Variants in CDC73 observed in about 807,000 individuals in gnomAD.
CDC73 encodes cell division cycle 73, also known as parafibromin.
In CDC73, 21 loss-of-function variants were observed where a neutral mutation model predicts 83.7. That is an observed-to-expected ratio of 0.25 (90% CI 0.18 to 0.36). The LOEUF (loss-of-function observed/expected upper bound fraction) is 0.36. Among genes scored for constraint, CDC73 ranks in the 10% least tolerant of loss-of-function variants. The pLI, the probability that CDC73 is intolerant of heterozygous loss-of-function variation, is 1.00. For synonymous variants in CDC73, 224 were observed against 212.9 expected, an observed-to-expected ratio of 1.05 and a Z score of -0.45; for missense variants, 342 against 653.3, an observed-to-expected ratio of 0.52 and a Z score of 5.19.
intron 10 of CDC73, 84 bp from the exon 11 acceptor site, chr1:193,203,711 G>A: frequency 9.4e-7 from 1 of 1,066,056 alleles, no homozygotes; most frequent in Non-Finnish European, 1.4e-6. Flanking sequence ...GAGACAGAGA[G>A]ATATGAGATT....
chr1:193,180,952 G>A, intron 10 of CDC73: 1 of 1,613,342 alleles, frequency 6.2e-7, no homozygotes, highest in South Asian at 1.1e-5. Context: ...TTCCAGTATT[G>A]CACGTTGAAG....
chr1:193,214,791 C>T (rs1677335750), intron 13 of CDC73, among the ~76,000 whole-genome samples: 1 of 152,202 alleles, frequency 6.6e-6, no homozygotes, highest in Non-Finnish European at 1.5e-5. Context: ...ATACACTTGA[C>T]ATTAGAAATA....
At chr1:193,181,196 A>G (rs41265203) in intron 10 of CDC73, 1 of 1,613,792 alleles carries the variant, frequency 6.2e-7, no homozygotes. Context: ...TTTTCATTGT[A>G]AATACTTCCA....
chr1:193,179,391 A>G (rs1676671162), intron 10 of CDC73: 1 of 152,568 alleles, frequency 6.6e-6, no homozygotes, highest in South Asian at 2.1e-4. Context: ...TCAACAGTAC[A>G]TCCTATTTGT....
chr1:193,250,803 T>A lies in CDC73; in HGVS notation c.*91T>A. ...AATGAAGAAGGTCACAGATTGATCT[T>A]TTATAAGACCTTATTTGATGCTTTG... On this transcript the variant is annotated 3_prime_UTR_variant, in exon 17 of 17. Coordinates refer to ENST00000367435, the MANE Select transcript of CDC73 (RefSeq NM_024529.5). The A allele has an allele frequency of 8.9e-7, 1 of 1,127,586 alleles. No homozygotes were observed. The highest frequency in any genetic ancestry group is 1.3e-5 in the South Asian group (1 of 79,262). 69.8% of individuals were successfully genotyped at this position (1,127,586 alleles called of 1,614,324 possible). A position where few individuals can be genotyped will look rare whatever the true frequency, so the allele number is the denominator to read the frequency against.
chr1:193,230,705 T>G (rs1376155854), intron 13 of CDC73, among the ~76,000 whole-genome samples: 1 of 152,110 alleles, frequency 6.6e-6, no homozygotes, highest in Non-Finnish European at 1.5e-5. Context: ...TTCATAGTGG[T>G]ACAATATAAT....
In CDC73 at chr1:193,253,294, T is replaced by G. The variant is rs1426992322; in HGVS notation, c.*2582T>G. The G allele has an allele frequency of 4.3e-6, 1 of 232,290 alleles. No homozygotes were observed. The highest frequency in any genetic ancestry group is 2.2e-5 in the African/African-American group (1 of 45,290). 14.4% of individuals were successfully genotyped at this position (232,290 alleles called of 1,614,324 possible). A position where few individuals can be genotyped will look rare whatever the true frequency, so the allele number is the denominator to read the frequency against. On this transcript the variant is annotated 3_prime_UTR_variant, in exon 17 of 17. Coordinates refer to ENST00000367435, the MANE Select transcript of CDC73 (RefSeq NM_024529.5). Reference sequence around the variant, plus strand: ...TTTTTTTTAAAGTTCTCCAGGTAATTTGAATGTGCAGGAAGGATTCAGAAT... The same window carrying G: ...TTTTTTTTAAAGTTCTCCAGGTAATGTGAATGTGCAGGAAGGATTCAGAAT...
chr1:193,133,179 G>A (rs1226721442), intron 3 of CDC73, among the ~76,000 whole-genome samples: 1 of 152,156 alleles, frequency 6.6e-6, no homozygotes, highest in African/African-American at 2.4e-5. Flanking sequence ...GGGATTACAG[G>A]TGTGAGCCAC....
In CDC73 at chr1:193,141,962, A is replaced by C. The variant is rs1455683303; in HGVS notation, c.625A>C (p.Lys209Gln). 3.1e-6 allele frequency: 5 copies of C among 1,613,756 alleles called. No individual in the cohort carries two copies. The highest frequency in any genetic ancestry group is 4.2e-6 in the Non-Finnish European group (5 of 1,179,786). ...TDLDDDITAL[K>Q]QRSFVDAEVD... ...TCTAGATGATGACATAACTGCCCTT[A>C]AACAGAGGAGTTTTGTGGATGCTGA... Residue 209 changes from lysine (K) to glutamine (Q), a missense_variant, in exon 7 of 17, where the codon AAA becomes CAA. This residue lies in a region of CDC73 where 239 missense variants were observed against 420.6 expected (regional missense o/e 0.57). Coordinates refer to ENST00000367435, the MANE Select transcript of CDC73 (RefSeq NM_024529.5).
rs1348989049 is a variant in CDC73, at chr1:193,130,200, A to G, written c.264A>G (p.Arg88=). The change falls in exon 3 of 17, where the codon AGA becomes AGG. Residue 88 remains arginine (R), a synonymous_variant. Coordinates refer to ENST00000367435, the MANE Select transcript of CDC73 (RefSeq NM_024529.5). The stretch of plus-strand genomic sequence containing the variant: ...CTGAAAATATTCCTGTGGTTAGAAG[A>G]CCTGATCGAAAAGATCTACTTGGAT... ...AATENIPVVR[R]PDRKDLLGYL... The G allele has an allele frequency of 6.2e-7, 1 of 1,602,012 alleles. No homozygotes were observed. Among genetic ancestry groups the G allele is most frequent in the South Asian group, 1.1e-5 (1 of 90,862 alleles).
At chr1:193,165,686 A>C (rs1200175858) in intron 10 of CDC73, among the ~76,000 whole-genome samples, 1 of 152,236 alleles carries the variant, frequency 6.6e-6, no homozygotes, top group East Asian at 1.9e-4. Flanking sequence ...AATAGAAGAA[A>C]ATAATTAGTC....
chr1:193,151,462 A>T (rs1228419002), intron 9 of CDC73, among the ~76,000 whole-genome samples: 2 of 152,250 alleles, frequency 1.3e-5, no homozygotes, highest in Non-Finnish European at 2.9e-5. Context: ...GTTGCCCCCA[A>T]TTGATCACAT....
intron 2 of CDC73, among the ~76,000 whole-genome samples, chr1:193,125,759 ATT>A (rs112649489): frequency 2.5e-4 from 34 of 133,954 alleles, no homozygotes; most frequent in Non-Finnish European, 2.9e-4. Context: ...GTATTAACAC[ATT>A]TTTTTTTTTT....
chr1:193,172,265 A>G (rs1676529408), intron 10 of CDC73, among the ~76,000 whole-genome samples: 1 of 146,268 alleles, frequency 6.8e-6, no homozygotes. Flanking sequence ...TAAGAAAATT[A>G]CTTAAAATGA....
intron 10 of CDC73, among the ~76,000 whole-genome samples, chr1:193,154,044 T>C (rs1676165253): frequency 6.6e-6 from 1 of 152,224 alleles, no homozygotes; most frequent in Non-Finnish European, 1.5e-5. Flanking sequence ...TGGTTCTTCC[T>C]GACTTCAATA....
chr1:193,152,994 C>A (rs1285166137), intron 10 of CDC73, among the ~76,000 whole-genome samples: 1 of 151,958 alleles, frequency 6.6e-6, no homozygotes, highest in Non-Finnish European at 1.5e-5. Context: ...TGGTCTGGAT[C>A]TCCTGACCTC....
intron 9 of CDC73, 53 bp from the exon 10 acceptor site, chr1:193,152,327 C>T (rs980009359): frequency 6.3e-6 from 7 of 1,108,884 alleles, no homozygotes; most frequent in African/African-American, 3.1e-5. Flanking sequence ...TGTTATAGGT[C>T]ATAAGATACA....
intron 15 of CDC73, 84 bp from the exon 16 acceptor site, chr1:193,249,646 G>T: frequency 1.0e-6 from 1 of 995,232 alleles, no homozygotes; most frequent in Non-Finnish European, 1.6e-6. Flanking sequence ...GTTATAATAC[G>T]GCTTCAGTTG....
chr1:193,208,861 G>C (rs1022056317), intron 11 of CDC73, among the ~76,000 whole-genome samples: 1 of 151,930 alleles, frequency 6.6e-6, no homozygotes. Flanking sequence ...CCTCTTATCT[G>C]AACTGTTCGC....
Sources: allele counts gnomAD v4.1 joint callset (sites outside exome capture counted in the v4.1 genomes callset), GRCh38; gene constraint gnomAD v4.1.1; regional missense constraint gnomAD v4.1.1; transcripts MANE v1.5; gene names NCBI Gene and HGNC (gene_info 2026-07-23, HGNC 2026-07-21).